AKAP5: variants seen among roughly 807,000 people sequenced by gnomAD.
AKAP5 encodes A-kinase anchoring protein 5, also known as A-kinase anchor protein 5.
AKAP5 carries 5 observed loss-of-function variants against 13.8 expected under a neutral mutation model. The observed-to-expected ratio is 0.36, with a 90% CI of 0.19 to 0.76. The LOEUF (loss-of-function observed/expected upper bound fraction) is 0.76. Among genes scored for constraint, AKAP5 ranks in the 30% least tolerant of loss-of-function variants. The pLI, the probability that AKAP5 is intolerant of heterozygous loss-of-function variation, is 0.51. For missense variants in AKAP5, 406 were observed against 484.4 expected (o/e 0.84, Z 1.52); for synonymous variants, 148 against 167.2 (o/e 0.89, Z 0.89).
chr14:64,471,131 C>G lies in AKAP5; in HGVS notation c.*1453C>G, dbSNP rs1305138352. 6.0e-6 allele frequency: 1 copy of G among 165,466 alleles called. No individual in the cohort carries two copies. Among genetic ancestry groups the G allele is most frequent in the Non-Finnish European group, 1.5e-5 (1 of 67,814 alleles). The allele number at this position is 165,466 out of a possible 1,614,324, so 10.2% of individuals were successfully genotyped here. A position where few individuals can be genotyped will look rare whatever the true frequency, so the allele number is the denominator to read the frequency against. Reference sequence around the variant, plus strand: ...ATTTTACATGAATATTGAAAGTTAACTTTTTCATCACTATTTTCTTTTCTT... The same window carrying G: ...ATTTTACATGAATATTGAAAGTTAAGTTTTTCATCACTATTTTCTTTTCTT... On this transcript the variant is annotated 3_prime_UTR_variant, in exon 2 of 2. Transcript: ENST00000394718.
intron 1 of AKAP5, among the ~76,000 whole-genome samples, chr14:64,466,603 G>T (rs557461160): frequency 2.6e-5 from 4 of 152,286 alleles, no homozygotes; most frequent in Admixed American, 2.0e-4. Flanking sequence ...TTCCGTCATT[G>T]TTCTAGAATG....
rs1032730399 is a variant in AKAP5 at position 64,473,862 on chromosome 14, T to C, written c.*4184T>C. The C allele has an allele frequency of 6.6e-5, 11 of 166,888 alleles. No individual in the cohort carries two copies. Among genetic ancestry groups the C allele is most frequent in the Non-Finnish European group, 1.2e-4 (8 of 68,104 alleles). 10.3% of individuals were successfully genotyped at this position (166,888 alleles called of 1,614,324 possible). A position where few individuals can be genotyped will look rare whatever the true frequency, so the allele number is the denominator to read the frequency against. On this transcript the variant is annotated 3_prime_UTR_variant, in exon 2 of 2. Transcript: ENST00000394718. Reference sequence around the variant, plus strand: ...TTATTGGGTAACATGAACTCTCTTATACATAATTCAAAATTTCAATCCATG... The same window carrying C: ...TTATTGGGTAACATGAACTCTCTTACACATAATTCAAAATTTCAATCCATG...
intron 1 of AKAP5, among the ~76,000 whole-genome samples, chr14:64,466,637 C>T (rs1256148): frequency 0.34 from 51,111 of 152,066 alleles, 12,014 homozygotes; most frequent in African/African-American, 0.67. Context: ...GTTAGAGGCA[C>T]ACAGTATGAA....
At chr14:64,466,005 C>T (rs542011945) in intron 1 of AKAP5, among the ~76,000 whole-genome samples, 1 of 152,320 alleles carries the variant, frequency 6.6e-6, no homozygotes, top group South Asian at 2.1e-4. Context: ...TGCGCTCTGT[C>T]TCCTGCCATA....
At position 64,473,997 on chromosome 14, in the gene AKAP5, C is replaced by T. The variant is rs1285107828; in HGVS notation, c.*4319C>T. On this transcript the variant is annotated 3_prime_UTR_variant, in exon 2 of 2. Coordinates refer to ENST00000394718, the MANE Select transcript of AKAP5 (RefSeq NM_004857.3). Reference sequence around the variant, plus strand: ...TGTCCTAATTAAATTCAATTTGATTCAACACACGTATTAGGCATAACTCAT... The same window carrying T: ...TGTCCTAATTAAATTCAATTTGATTTAACACACGTATTAGGCATAACTCAT... 2 of 166,948 alleles carry T rather than the reference C, an allele frequency of 1.2e-5. No individual in the cohort carries two copies. The highest frequency in any genetic ancestry group is 2.9e-5 in the Non-Finnish European group (2 of 68,112). 10.3% of individuals were successfully genotyped at this position (166,948 alleles called of 1,614,324 possible).
rs1167272502 is a variant in AKAP5, at chr14:64,473,898, TG to T, written c.*4222del. 1.8e-5 allele frequency: 3 copies of T among 166,772 alleles called. No individual in the cohort carries two copies. The highest frequency in any genetic ancestry group is 4.8e-5 in the African/African-American group (2 of 41,472). 10.3% of individuals were successfully genotyped at this position (166,772 alleles called of 1,614,324 possible). The stretch of plus-strand genomic sequence containing the variant: ...AAATTTCAATCCATGGTATATTTTA[TG>T]GTACATTTTGAAAAGAAAATTTGTA... On this transcript the variant is annotated 3_prime_UTR_variant, in exon 2 of 2. Coordinates refer to ENST00000394718, the MANE Select transcript of AKAP5 (RefSeq NM_004857.3).
chr14:64,473,619 G>A lies in AKAP5; in HGVS notation c.*3941G>A, dbSNP rs933928845. On this transcript the variant is annotated 3_prime_UTR_variant, in exon 2 of 2. Transcript: ENST00000394718. ...TTTTTTATAGTTAAGAATGTTTTTC[G>A]AGGTTTACAACAGAATTTAAAAAAT... The A allele has an allele frequency of 1.2e-5, 2 of 166,872 alleles. No individual in the cohort carries two copies. The highest frequency in any genetic ancestry group is 2.9e-5 in the Non-Finnish European group (2 of 68,092). 10.3% of individuals were successfully genotyped at this position (166,872 alleles called of 1,614,324 possible).
Position 64,473,618 on chromosome 14 carries a change from C to T in AKAP5, c.*3940C>T, listed in dbSNP as rs1566589799. 1 of 167,076 alleles carries T rather than the reference C, an allele frequency of 6.0e-6. No individual in the cohort carries two copies. 10.3% of individuals were successfully genotyped at this position (167,076 alleles called of 1,614,324 possible). A position where few individuals can be genotyped will look rare whatever the true frequency, so the allele number is the denominator to read the frequency against. On this transcript the variant is annotated 3_prime_UTR_variant, in exon 2 of 2. Transcript: ENST00000394718. Reference sequence around the variant, plus strand: ...ATTTTTTATAGTTAAGAATGTTTTTCGAGGTTTACAACAGAATTTAAAAAA... The same window carrying T: ...ATTTTTTATAGTTAAGAATGTTTTTTGAGGTTTACAACAGAATTTAAAAAA...
chr14:64,469,577 A>G lies in AKAP5; in HGVS notation c.1183A>G (p.Thr395Ala). Residue 395 changes from threonine to alanine, a missense_variant, in exon 2 of 2, where the codon ACA (threonine) becomes GCA (alanine). Physicochemically the swap from Thr to Ala is moderately conservative, Grantham distance 58. Transcript: ENST00000394718. ...SEQYETLLIE[T>A]ASSLVKNAIQ... ...ACAATATGAAACACTCTTAATTGAA[A>G]CAGCCTCTTCTCTAGTCAAGAATGC... The G allele has an allele frequency of 6.2e-7, 1 of 1,613,894 alleles. No homozygotes were observed. The highest frequency in any genetic ancestry group is 8.5e-7 in the Non-Finnish European group (1 of 1,179,896).
chr14:64,468,383 T>C lies in AKAP5; in HGVS notation c.-12T>C. On this transcript the variant is annotated 5_prime_UTR_variant, in exon 2 of 2. Coordinates refer to ENST00000394718, the MANE Select transcript of AKAP5 (RefSeq NM_004857.3). ...AATACAGTTTTCTAGAGAATAAGAG[T>C]GCAGTGTAAAAATGGAAACCACAAT... 2 of 1,586,078 alleles carry C rather than the reference T, an allele frequency of 1.3e-6. No individual in the cohort carries two copies. The highest frequency in any genetic ancestry group is 1.7e-6 in the Non-Finnish European group (2 of 1,168,680).
chr14:64,465,919 T>G (rs1225592220), intron 1 of AKAP5, among the ~76,000 whole-genome samples: 2 of 152,316 alleles, frequency 1.3e-5, no homozygotes, highest in East Asian at 3.9e-4. Flanking sequence ...GCCATTACAT[T>G]ATAATTCTGC....
At position 64,469,885 on chromosome 14, in the gene AKAP5, A is replaced by G. The variant is rs1235130378; in HGVS notation, c.*207A>G. 1 of 471,222 alleles carries G rather than the reference A, an allele frequency of 2.1e-6. No homozygotes were observed. Among genetic ancestry groups the G allele is most frequent in the African/African-American group, 2.0e-5 (1 of 49,448 alleles). 29.2% of individuals were successfully genotyped at this position (471,222 alleles called of 1,614,324 possible). A position where few individuals can be genotyped will look rare whatever the true frequency, so the allele number is the denominator to read the frequency against. On this transcript the variant is annotated 3_prime_UTR_variant, in exon 2 of 2. Coordinates refer to ENST00000394718, the MANE Select transcript of AKAP5 (RefSeq NM_004857.3). ...AGTCACTTCTGGATTGGAGGAAGTCAGCACAGATTGCAGTGTAAAATGACA... is the reference window on the plus strand; with the variant it reads ...AGTCACTTCTGGATTGGAGGAAGTCGGCACAGATTGCAGTGTAAAATGACA...
Position 64,471,210 on chromosome 14 carries a change from T to C in AKAP5, c.*1532T>C, listed in dbSNP as rs923282231. ...CTCTGTCGCCCAGGCTGGAGTGCAG[T>C]GGCGCGATCTTGGCTCACTGCAAGC... is the stretch of plus-strand genomic sequence containing the variant. On this transcript the variant is annotated 3_prime_UTR_variant, in exon 2 of 2. Transcript: ENST00000394718. The C allele has an allele frequency of 3.8e-5, 6 of 156,032 alleles. No homozygotes were observed. Among genetic ancestry groups the C allele is most frequent in the Non-Finnish European group, 7.4e-5 (5 of 67,812 alleles). 9.7% of individuals were successfully genotyped at this position (156,032 alleles called of 1,614,324 possible).
At chr14:64,465,881 C>G (rs2078607810) in intron 1 of AKAP5, among the ~76,000 whole-genome samples, 1 of 152,200 alleles carries the variant, frequency 6.6e-6, no homozygotes, top group Non-Finnish European at 1.5e-5. Context: ...CTTTATCCCT[C>G]TTTGAGAAAT....
In AKAP5 at chr14:64,468,742, T is replaced by A; in HGVS notation, c.348T>A (p.Leu116=). 6.2e-7 allele frequency: 1 copy of A among 1,614,166 alleles called. No homozygotes were observed. The highest frequency in any genetic ancestry group is 8.5e-7 in the Non-Finnish European group (1 of 1,180,032). ...CAATAAATGCTGAGGATGCTGATCT[T>A]TCTAAGAAAAAGGCAAAATCTAGAC... ...QPAINAEDAD[L]SKKKAKSRLK... is the part of the protein sequence containing the mutation. Residue 116 remains leucine, a synonymous_variant, in exon 2 of 2, where the codon CTT becomes CTA. Coordinates refer to ENST00000394718, the MANE Select transcript of AKAP5 (RefSeq NM_004857.3).
At chr14:64,465,663 A>G (rs1197868606) in intron 1 of AKAP5, 50 bp downstream of exon 1, 2 of 152,104 alleles carry the variant, frequency 1.3e-5, no homozygotes, top group Admixed American at 1.3e-4. Flanking sequence ...GTCGGGGGCA[A>G]TGTCCGGTCC....
Position 64,470,724 on chromosome 14 carries a change from A to G in AKAP5, c.*1046A>G, listed in dbSNP as rs2078661899. The stretch of plus-strand genomic sequence containing the variant: ...TCTTTCTGCCTCAACAGATCTGTAT[A>G]TATCCATTTCTGCATGGATTTATCT... On this transcript the variant is annotated 3_prime_UTR_variant, in exon 2 of 2. Transcript: ENST00000394718. 1 of 166,904 alleles carries G rather than the reference A, an allele frequency of 6.0e-6. No individual in the cohort carries two copies. The highest frequency in any genetic ancestry group is 1.5e-5 in the Non-Finnish European group (1 of 68,098). 10.3% of individuals were successfully genotyped at this position (166,904 alleles called of 1,614,324 possible).
Position 64,469,776 on chromosome 14 carries a change from C to A in AKAP5, c.*98C>A. 1.1e-6 allele frequency: 1 copy of A among 894,632 alleles called. No individual in the cohort carries two copies. The highest frequency in any genetic ancestry group is 1.7e-6 in the Non-Finnish European group (1 of 590,994). 55.4% of individuals were successfully genotyped at this position (894,632 alleles called of 1,614,324 possible). A position where few individuals can be genotyped will look rare whatever the true frequency, so the allele number is the denominator to read the frequency against. ...ACTCAGTAACAAATGAGAGATTTAT[C>A]ATCTCTAGAACTTAAAAGGTACAAT... On this transcript the variant is annotated 3_prime_UTR_variant, in exon 2 of 2. Coordinates refer to ENST00000394718, the MANE Select transcript of AKAP5 (RefSeq NM_004857.3).
rs1272936520 is a variant in AKAP5 at position 64,472,585 on chromosome 14, C to A, written c.*2907C>A. The A allele has an allele frequency of 4.8e-5, 8 of 166,872 alleles. No homozygotes were observed. Among genetic ancestry groups the A allele is most frequent in the African/African-American group, 1.9e-4 (8 of 41,426 alleles). The allele number at this position is 166,872 out of a possible 1,614,324, so 10.3% of individuals were successfully genotyped here. A position where few individuals can be genotyped will look rare whatever the true frequency, so the allele number is the denominator to read the frequency against. ...ACTTGCATTCATTCTTAAGAGGTTT[C>A]TGTTTTTCTATTGAGAATATCTGTT... On this transcript the variant is annotated 3_prime_UTR_variant, in exon 2 of 2. Transcript: ENST00000394718.
Sources: allele counts gnomAD v4.1 joint callset (sites outside exome capture counted in the v4.1 genomes callset), GRCh38; gene constraint gnomAD v4.1.1; transcripts MANE v1.5; gene names NCBI Gene and HGNC (gene_info 2026-07-23, HGNC 2026-07-21).